FLT1: variants seen among roughly 807,000 people sequenced by gnomAD.
The protein encoded by FLT1 is fms related receptor tyrosine kinase 1, also known as vascular endothelial growth factor receptor 1.
A neutral mutation model predicts 156.3 loss-of-function variants in FLT1; 49 were observed. That is an observed-to-expected ratio of 0.31 (90% CI 0.25 to 0.40). The LOEUF (loss-of-function observed/expected upper bound fraction) is 0.40. Ranked by LOEUF, FLT1 falls within the 10% of genes least tolerant of loss-of-function variation. The pLI is 1.00. For synonymous variants in FLT1, 594 were observed against 583.8 expected, an observed-to-expected ratio of 1.02 and a Z score of -0.25; for missense variants, 1,322 against 1,637.2, an observed-to-expected ratio of 0.81 and a Z score of 3.32.
chr13:28,312,439 G>A (rs1318235076), intron 25 of FLT1, among the ~76,000 whole-genome samples: 5 of 151,694 alleles, frequency 3.3e-5, no homozygotes, highest in African/African-American at 1.2e-4. Context: ...AAACCCCACC[G>A]CTCACTGCAG....
chr13:28,328,838 G>A (rs540144707), intron 19 of FLT1, among the ~76,000 whole-genome samples: 1 of 152,298 alleles, frequency 6.6e-6, no homozygotes, highest in East Asian at 1.9e-4. Flanking sequence ...ACAGAATGAG[G>A]TTGCCACGAC....
intron 1 of FLT1, among the ~76,000 whole-genome samples, chr13:28,469,765 T>G (rs1238317169): frequency 6.6e-6 from 1 of 152,222 alleles, no homozygotes; most frequent in Non-Finnish European, 1.5e-5. Context: ...TTTTATTTTA[T>G]TTTTGAGACA....
At position 28,451,854 on chromosome 13, in the gene FLT1, C is replaced by T. The variant is rs1466171917; in HGVS notation, c.389-13509G>A. On this transcript the variant is annotated intron_variant, in intron 3 of 29. Transcript: ENST00000282397. ...TGGGCGTAGCACACTGACATCCCTCCGGGGGCCAGACACACGAGTGGAGGA... is the reference window on the plus strand; with the variant it reads ...TGGGCGTAGCACACTGACATCCCTCTGGGGGCCAGACACACGAGTGGAGGA... Among the ~76,000 whole-genome samples the T allele has an allele frequency of 2.6e-5, 4 of 152,166 alleles. No individual in the cohort carries two copies. The East Asian group carries it at 7.7e-4, about 29-fold the overall frequency.
chr13:28,473,559 G>A (rs1390604454), intron 1 of FLT1, among the ~76,000 whole-genome samples: 1 of 151,124 alleles, frequency 6.6e-6, no homozygotes, highest in Non-Finnish European at 1.5e-5. Context: ...GCAGGAGAAT[G>A]GCTTAAACCC....
intron 15 of FLT1, among the ~76,000 whole-genome samples, chr13:28,353,222 T>C (rs1872780986): frequency 6.6e-6 from 1 of 152,182 alleles, no homozygotes; most frequent in African/African-American, 2.4e-5. Flanking sequence ...CAAGTTGTCT[T>C]CTCCTATGTA....
chr13:28,430,126 G>T lies in FLT1; in HGVS notation c.1030C>A (p.Leu344Ile), dbSNP rs1368694048. The stretch of plus-strand genomic sequence containing the variant: ...GACCGCTTGCCAGCTACGGTTTCAA[G>T]CACCTGCTGTTTTCGATGTTTCACA... ...ITVKHRKQQV[L>I]ETVAGKRSYR... Residue 344 changes from leucine (L) to isoleucine (I), a missense_variant, in exon 8 of 30, where the codon CTT becomes ATT. By Grantham distance (5) the Leu-to-Ile change is conservative (BLOSUM62 2). Around this residue, in one of 3 missense-constraint regions of FLT1, gnomAD observed 991 missense variants for 1,254.8 expected, o/e 0.79. Transcript: ENST00000282397. The T allele has an allele frequency of 6.2e-7, 1 of 1,613,728 alleles. No individual in the cohort carries two copies. Among genetic ancestry groups the T allele is most frequent in the Non-Finnish European group, 8.5e-7 (1 of 1,179,758 alleles).
At chr13:28,487,291 G>C (rs1477161023) in intron 1 of FLT1, among the ~76,000 whole-genome samples, 1 of 152,260 alleles carries the variant, frequency 6.6e-6, no homozygotes, top group Admixed American at 6.5e-5. Context: ...TCACTTGGCA[G>C]ACTAATTCCT....
Position 28,461,371 on chromosome 13 carries a change from T to C in FLT1, c.388+5532A>G, listed in dbSNP as rs115966052. Among the ~76,000 whole-genome samples, 1,183 of 152,284 alleles carry C rather than the reference T, an allele frequency of 7.8e-3. 15 individuals carry two copies. The highest frequency in any genetic ancestry group is 0.027 in the African/African-American group (1,130 of 41,568). On this transcript the variant is annotated intron_variant, in intron 3 of 29. Transcript: ENST00000282397. ...AGCTGCAACTCCAGTACAGGGGAAATAGACCTAACCTAGCTGGATCCTCAT... is the reference window on the plus strand; with the variant it reads ...AGCTGCAACTCCAGTACAGGGGAAACAGACCTAACCTAGCTGGATCCTCAT...
rs760121051 is a variant in FLT1, at chr13:28,434,052, A to G, written c.676+6T>C. 1 of 1,614,192 alleles carries G rather than the reference A, an allele frequency of 6.2e-7. No individual in the cohort carries two copies. Among genetic ancestry groups the G allele is most frequent in the South Asian group, 1.1e-5 (1 of 91,086 alleles). ...CTTATGTTCATGCCTTTGAAGCATC[A>G]CTTACTTTGTCGATGTGTGAGATAG... On this transcript the variant is annotated splice_donor_region_variant and intron_variant, in intron 5 of 29. Transcript: ENST00000282397.
chr13:28,409,966 T>C (rs943708604), intron 10 of FLT1, among the ~76,000 whole-genome samples: 34 of 152,234 alleles, frequency 2.2e-4, no homozygotes, highest in African/African-American at 7.5e-4. Context: ...GACCAGTGCA[T>C]GCACAGTCTG....
chr13:28,375,730 C>G (rs1311348156), intron 14 of FLT1, among the ~76,000 whole-genome samples: 1 of 152,202 alleles, frequency 6.6e-6, no homozygotes, highest in Non-Finnish European at 1.5e-5. Flanking sequence ...AGCTGCTTAG[C>G]TAATCACACC....
Position 28,390,107 on chromosome 13 carries a change from A to G in FLT1, c.1661-3T>C, listed in dbSNP as rs199947530. The stretch of plus-strand genomic sequence containing the variant: ...AACATGAAACCCATTTGGCACATCT[A>G]TAAAATAAGAATAAAGAACTTCAGT... On this transcript the variant is annotated splice_polypyrimidine_tract_variant and splice_region_variant and intron_variant, in intron 12 of 29. Transcript: ENST00000282397. 22 of 1,612,082 alleles carry G rather than the reference A, an allele frequency of 1.4e-5. No individual in the cohort carries two copies. The East Asian group carries it at 4.7e-4, about 34-fold the overall frequency.
intron 14 of FLT1, among the ~76,000 whole-genome samples, chr13:28,374,794 T>C (rs1250855780): frequency 6.6e-6 from 1 of 152,176 alleles, no homozygotes; most frequent in East Asian, 1.9e-4. Context: ...ATTACAGTTG[T>C]GAGCCACCGT....
intron 1 of FLT1, among the ~76,000 whole-genome samples, chr13:28,490,963 T>C (rs1881438753): frequency 6.6e-6 from 1 of 152,212 alleles, no homozygotes; most frequent in Non-Finnish European, 1.5e-5. Context: ...TCTCTCACTT[T>C]TTCTCCATTC....
chr13:28,302,215 A>T lies in FLT1; in HGVS notation c.*952T>A, dbSNP rs181745479. ...TGTGCAAAACAGAATAATACCAAGA[A>T]ATTGAGTTAAGTGTCTGGACTATAT... On this transcript the variant is annotated 3_prime_UTR_variant, in exon 30 of 30. Transcript: ENST00000282397. The T allele has an allele frequency of 2.1e-4, 49 of 233,266 alleles. No individual in the cohort carries two copies. Among genetic ancestry groups the T allele is most frequent in the African/African-American group, 9.0e-4 (41 of 45,472 alleles). 14.4% of individuals were successfully genotyped at this position (233,266 alleles called of 1,614,324 possible).
intron 14 of FLT1, among the ~76,000 whole-genome samples, chr13:28,358,439 G>A (rs1424459336): frequency 6.6e-6 from 1 of 152,126 alleles, no homozygotes; most frequent in Non-Finnish European, 1.5e-5. Context: ...ATAGTAAATG[G>A]CAAGCCCATG....
chr13:28,392,736 T>G (rs1202447136), intron 12 of FLT1, among the ~76,000 whole-genome samples: 1 of 152,174 alleles, frequency 6.6e-6, no homozygotes, highest in Non-Finnish European at 1.5e-5. Context: ...TGTTTCACCC[T>G]CAGTAATTGC....
chr13:28,353,557 A>G (rs902051785), intron 15 of FLT1, among the ~76,000 whole-genome samples: 1 of 140,988 alleles, frequency 7.1e-6, no homozygotes, highest in Non-Finnish European at 1.5e-5. Context: ...TGGCTGACAG[A>G]CCAAGACTGT....
intron 1 of FLT1, among the ~76,000 whole-genome samples, chr13:28,473,826 GAAA>G (rs58025080): frequency 5.4e-4 from 66 of 122,852 alleles, no homozygotes; most frequent in African/African-American, 7.8e-4. Flanking sequence ...AAGAAAGAAA[GAAA>G]GAAAGAAAGG....
Sources: allele counts gnomAD v4.1 joint callset (sites outside exome capture counted in the v4.1 genomes callset), GRCh38; gene constraint gnomAD v4.1.1; regional missense constraint gnomAD v4.1.1; transcripts MANE v1.5; gene names NCBI Gene and HGNC (gene_info 2026-07-23, HGNC 2026-07-21).